The following CNTNAP2 variants were observed in gnomAD, a reference collection of about 807,000 sequenced individuals.
The protein encoded by CNTNAP2 is contactin associated protein 2, also known as contactin-associated protein-like 2.
In CNTNAP2, 98 loss-of-function variants were observed where a neutral mutation model predicts 155.2. That is an observed-to-expected ratio of 0.63 (90% CI 0.54 to 0.75). CNTNAP2 has a LOEUF of 0.75. Ranked by LOEUF, CNTNAP2 falls within the 30% of genes least tolerant of loss-of-function variation. The probability of loss-of-function intolerance (pLI) is 0.00; values close to 1 mark genes in which losing one functional copy is unlikely to be tolerated. For missense variants in CNTNAP2, 1,727 were observed against 1,688.1 expected (o/e 1.02, Z -0.40); for synonymous variants, 651 against 631.2 (o/e 1.03, Z -0.47).
chr7:146,682,551 G>T (rs562938106), intron 1 of CNTNAP2, among the ~76,000 whole-genome samples: 1 of 152,022 alleles, frequency 6.6e-6, no homozygotes, highest in Non-Finnish European at 1.5e-5. Context: ...GGTTGCACAC[G>T]TATCACTGGG....
At chr7:147,296,466 C>A (rs184500409) in intron 8 of CNTNAP2, among the ~76,000 whole-genome samples, 2 of 152,204 alleles carry the variant, frequency 1.3e-5, no homozygotes, top group Non-Finnish European at 2.9e-5. Flanking sequence ...TTTTATAGTA[C>A]AAGAGATTGT....
intron 13 of CNTNAP2, among the ~76,000 whole-genome samples, chr7:147,802,721 C>T (rs1798024407): frequency 6.9e-6 from 1 of 144,820 alleles, no homozygotes; most frequent in Admixed American, 7.3e-5. Context: ...GCCGAGATGG[C>T]AGCAGTACAG....
intron 15 of CNTNAP2, among the ~76,000 whole-genome samples, chr7:148,009,121 A>C (rs897309675): frequency 3.3e-5 from 5 of 152,212 alleles, no homozygotes; most frequent in African/African-American, 9.6e-5. Context: ...AATATATCAA[A>C]AGTTGAAAAT....
intron 1 of CNTNAP2, among the ~76,000 whole-genome samples, chr7:146,386,409 A>C (rs895070645): frequency 1.3e-5 from 2 of 152,136 alleles, no homozygotes; most frequent in Admixed American, 6.5e-5. Context: ...ATTTTTTTGA[A>C]ACAGAGTCTA....
intron 1 of CNTNAP2, among the ~76,000 whole-genome samples, chr7:146,645,950 A>G (rs1799804294): frequency 6.6e-6 from 1 of 152,164 alleles, no homozygotes; most frequent in South Asian, 2.1e-4. Context: ...ATTTTATCTA[A>G]AGATACTGTC....
At chr7:146,675,342 C>A (rs989575945) in intron 1 of CNTNAP2, among the ~76,000 whole-genome samples, 1 of 152,066 alleles carries the variant, frequency 6.6e-6, no homozygotes, top group Non-Finnish European at 1.5e-5. Context: ...ACTAAAAAAA[C>A]CTGATATGTA....
intron 13 of CNTNAP2, among the ~76,000 whole-genome samples, chr7:147,658,113 C>A (rs1447079466): frequency 6.9e-6 from 1 of 144,074 alleles, no homozygotes; most frequent in Non-Finnish European, 1.5e-5. Context: ...AAAAATTAGC[C>A]GGGCGTAGTG....
chr7:147,649,749 C>T (rs1358344232), intron 13 of CNTNAP2, among the ~76,000 whole-genome samples: 2 of 151,802 alleles, frequency 1.3e-5, no homozygotes, highest in African/African-American at 4.8e-5. Flanking sequence ...CGGCTATTAT[C>T]CAATTCAAAA....
At chr7:147,656,293 T>A (rs145133286) in intron 13 of CNTNAP2, among the ~76,000 whole-genome samples, 2 of 152,222 alleles carry the variant, frequency 1.3e-5, no homozygotes, top group Non-Finnish European at 2.9e-5. Context: ...CCTTTGAGAA[T>A]CTTTTCTTTG....
chr7:146,416,878 A>G (rs1795945413), intron 1 of CNTNAP2, among the ~76,000 whole-genome samples: 1 of 152,162 alleles, frequency 6.6e-6, no homozygotes, highest in Admixed American at 6.6e-5. Context: ...AATGCATAGC[A>G]TCTATGCACT....
chr7:148,051,149 A>G (rs546715915), intron 15 of CNTNAP2, among the ~76,000 whole-genome samples: 6 of 152,280 alleles, frequency 3.9e-5, no homozygotes, highest in Admixed American at 3.9e-4. Flanking sequence ...TGATAATTCA[A>G]TTTTGCTACT....
In CNTNAP2 at chr7:147,271,716, T is replaced by C. The variant is rs140656951; in HGVS notation, c.1349-28425T>C. ...AAACCATCAGATCTCATGAGACTTA[T>C]TCACTTCCACAAGAACAGTATAGGG... On this transcript the variant is annotated intron_variant, in intron 8 of 23. Transcript: ENST00000361727. 7.3e-3 allele frequency among the ~76,000 whole-genome samples: 1,109 copies of C among 152,190 alleles called. 11 individuals are homozygous for C. Among genetic ancestry groups the C allele is most frequent in the East Asian group, 0.039 (204 of 5,166 alleles).
rs145382610 is a variant in CNTNAP2, at chr7:147,771,135, T to C, written c.2098+131829T>C. ...TATGTTTTAATAAATGAGGCTGAGATGAATCGGTGTACATTTGAAAAAATG... is the reference window on the plus strand; with the variant it reads ...TATGTTTTAATAAATGAGGCTGAGACGAATCGGTGTACATTTGAAAAAATG... On this transcript the variant is annotated intron_variant, in intron 13 of 23. Coordinates refer to ENST00000361727, the MANE Select transcript of CNTNAP2 (RefSeq NM_014141.6). 1.1e-3 allele frequency among the ~76,000 whole-genome samples: 163 copies of C among 152,160 alleles called. 1 individual carries two copies. The highest frequency in any genetic ancestry group is 1.4e-3 in the African/African-American group (58 of 41,538).
intron 1 of CNTNAP2, among the ~76,000 whole-genome samples, chr7:146,690,198 A>T (rs150618326): frequency 6.6e-6 from 1 of 152,046 alleles, no homozygotes; most frequent in Admixed American, 6.6e-5. Flanking sequence ...TTCAATTTCA[A>T]TCCACAGCGT....
chr7:146,589,261 C>G (rs1798745103), intron 1 of CNTNAP2, among the ~76,000 whole-genome samples: 2 of 152,142 alleles, frequency 1.3e-5, no homozygotes, highest in African/African-American at 4.8e-5. Flanking sequence ...CTAAAACACT[C>G]ACTGCTATAA....
intron 21 of CNTNAP2, among the ~76,000 whole-genome samples, chr7:148,306,768 T>G (rs903660318): frequency 5.3e-5 from 8 of 150,710 alleles, no homozygotes; most frequent in South Asian, 2.1e-4. Context: ...GGTTGGTTGG[T>G]GTGTGTGTGT....
chr7:148,198,828 G>A (rs528906641), intron 18 of CNTNAP2, among the ~76,000 whole-genome samples: 31 of 152,344 alleles, frequency 2.0e-4, no homozygotes, highest in East Asian at 7.7e-4. Context: ...ACGCATTGCC[G>A]TAGAAAACTC....
At chr7:146,499,607 G>T (rs909552158) in intron 1 of CNTNAP2, among the ~76,000 whole-genome samples, 1 of 148,908 alleles carries the variant, frequency 6.7e-6, no homozygotes, top group Non-Finnish European at 1.5e-5. Flanking sequence ...CCCACACCCC[G>T]AAGGCCCTAG....
chr7:146,276,146 C>A (rs1421170280), intron 1 of CNTNAP2, among the ~76,000 whole-genome samples: 3 of 152,178 alleles, frequency 2.0e-5, no homozygotes, highest in African/African-American at 7.2e-5. Context: ...CTAGAACTGT[C>A]AAGGGGACCA....
Sources: allele counts gnomAD v4.1 joint callset (sites outside exome capture counted in the v4.1 genomes callset), GRCh38; gene constraint gnomAD v4.1.1; transcripts MANE v1.5; gene names NCBI Gene and HGNC (gene_info 2026-07-23, HGNC 2026-07-21).